The following FMO4 variants were observed in gnomAD, a reference collection of about 807,000 sequenced individuals.
FMO4 encodes the protein dimethylaniline monooxygenase [N-oxide-forming] 4.
Under a neutral mutation model 43.3 loss-of-function variants are expected in FMO4, and 38 were observed. The observed-to-expected ratio is 0.88, with a 90% CI of 0.68 to 1.15. The LOEUF is 1.15. Ranked by LOEUF, FMO4 falls within the 50% of genes most tolerant of loss-of-function variation. FMO4 has a pLI of 0.00. For missense variants in FMO4, 631 were observed against 663.3 expected (o/e 0.95, Z 0.54); for synonymous variants, 224 against 232.2 (o/e 0.96, Z 0.32).
intron 6 of FMO4, 30 bp from the exon 7 acceptor site, chr1:171,332,679 T>A (rs768104209): frequency 6.4e-7 from 1 of 1,569,232 alleles, no homozygotes; most frequent in Admixed American, 1.7e-5. Context: ...GAACATTTAT[T>A]TATCCTTCTT....
intron 2 of FMO4, among the ~76,000 whole-genome samples, chr1:171,317,069 G>A (rs369331017): frequency 1.7e-4 from 26 of 152,280 alleles, no homozygotes; most frequent in East Asian, 1.3e-3. Flanking sequence ...GGATACCTCA[G>A]GCTCTCAGAC....
At position 171,332,804 on chromosome 1, in the gene FMO4, T is replaced by C; in HGVS notation, c.723T>C (p.Ser241=). The C allele has an allele frequency of 1.9e-6, 3 of 1,613,546 alleles. No individual in the cohort carries two copies. The highest frequency in any genetic ancestry group is 2.5e-6 in the Non-Finnish European group (3 of 1,179,560). The change falls in exon 7 of 10, where the codon AGT becomes AGC. Residue 241 remains serine (S), a synonymous_variant. Coordinates refer to ENST00000367749, the MANE Select transcript of FMO4 (RefSeq NM_002022.3). Reference sequence around the variant, plus strand: ...TGATGGTTACAAGAAGATGCTGTAGTTTTATTGCACAAGTTCTGCCTTCAC... The same window carrying C: ...TGATGGTTACAAGAAGATGCTGTAGCTTTATTGCACAAGTTCTGCCTTCAC... ...YNMMVTRRCC[S]FIAQVLPSRF...
chr1:171,318,360 G>A (rs1157204286), intron 2 of FMO4, among the ~76,000 whole-genome samples: 1 of 149,070 alleles, frequency 6.7e-6, no homozygotes, highest in Non-Finnish European at 1.5e-5. Context: ...GATGAGAAAT[G>A]TTTCACTAGG....
intron 5 of FMO4, 147 bp from the exon 6 acceptor site, chr1:171,331,493 A>C (rs1478282989): frequency 1.5e-6 from 1 of 665,778 alleles, no homozygotes; most frequent in African/African-American, 1.8e-5. Flanking sequence ...GGGAGGTTAT[A>C]TGCTTTTTCT....
At chr1:171,334,324 A>G in intron 7 of FMO4, 87 bp from the exon 8 acceptor site, 1 of 769,256 alleles carries the variant, frequency 1.3e-6, no homozygotes, top group South Asian at 1.9e-5. Flanking sequence ...CTTGGCAGGT[A>G]ATTTCCCTGA....
At position 171,331,726 on chromosome 1, in the gene FMO4, G is replaced by C; in HGVS notation, c.571G>C (p.Gly191Arg). Reference protein sequence around the residue: ...GFQGKRVLVIGLGNTGGDIAV... With the variant: ...GFQGKRVLVIRLGNTGGDIAV... The stretch of plus-strand genomic sequence containing the variant: ...TCAGGGCAAACGCGTCTTGGTGATT[G>C]GTCTTGGGAACACTGGAGGAGACAT... The change falls in exon 6 of 10, where the codon GGT becomes CGT. Residue 191 changes from glycine (G) to arginine (R), a missense_variant. Transcript: ENST00000367749. 1.9e-6 allele frequency: 3 copies of C among 1,613,958 alleles called. No individual in the cohort carries two copies. The East Asian group carries it at 6.7e-5, about 36-fold the overall frequency.
At chr1:171,333,122 G>A (rs536636916) in intron 7 of FMO4, 22 of 392,376 alleles carry the variant, frequency 5.6e-5, no homozygotes, top group Non-Finnish European at 9.1e-5. Flanking sequence ...CATGAGGCTG[G>A]AAGAAAATAA....
In FMO4 at chr1:171,337,440, T is replaced by C. The variant is rs1294530724; in HGVS notation, c.1250+15T>C. The stretch of plus-strand genomic sequence containing the variant: ...CTCATTAAAAGGTATGAAATGTAGC[T>C]TGCTCTAGGGCAAACTTACAGTATA... On this transcript the variant is annotated intron_variant, in intron 9 of 9. Coordinates refer to ENST00000367749, the MANE Select transcript of FMO4 (RefSeq NM_002022.3). 1.3e-6 allele frequency: 2 copies of C among 1,576,982 alleles called. No individual in the cohort carries two copies. The highest frequency in any genetic ancestry group is 2.2e-5 in the South Asian group (2 of 90,352).
rs545711919 is a variant in FMO4 at position 171,325,044 on chromosome 1, G to A, written c.484+744G>A. On this transcript the variant is annotated intron_variant, in intron 5 of 9. Coordinates refer to ENST00000367749, the MANE Select transcript of FMO4 (RefSeq NM_002022.3). ...AATTGCTTGAACCTGGGGGAGTGGC[G>A]GTTGCAGTGAGCAAAGATCACGTCA... Among the ~76,000 whole-genome samples, 414 of 152,214 alleles carry A rather than the reference G, an allele frequency of 2.7e-3. 2 individuals carry two copies. Among genetic ancestry groups the A allele is most frequent in the African/African-American group, 8.6e-3 (357 of 41,550 alleles).
At chr1:171,320,141 AT>A (rs1413992021) in intron 3 of FMO4, among the ~76,000 whole-genome samples, 184 bp downstream of exon 3, 5 of 152,332 alleles carry the variant, frequency 3.3e-5, no homozygotes, top group African/African-American at 1.2e-4. Flanking sequence ...AATCTTGAGA[AT>A]GCGCAGACTC....
chr1:171,324,680 A>AT (rs895569548), intron 5 of FMO4, among the ~76,000 whole-genome samples: 10 of 151,640 alleles, frequency 6.6e-5, no homozygotes, highest in South Asian at 2.1e-4. Flanking sequence ...AGAGTATATG[A>AT]TTTTTTTTTA....
intron 7 of FMO4, 54 bp downstream of exon 7, chr1:171,332,962 C>A: frequency 1.2e-6 from 1 of 833,222 alleles, no homozygotes; most frequent in Non-Finnish European, 2.0e-6. Flanking sequence ...TTTATCATTA[C>A]ATTTTATTCA....
intron 9 of FMO4, among the ~76,000 whole-genome samples, chr1:171,338,103 GGTCAAAACCAAGTTCA>G (rs1663196300): frequency 6.6e-6 from 1 of 151,940 alleles, no homozygotes; most frequent in Non-Finnish European, 1.5e-5. Flanking sequence ...CATTCCAGTT[GGTCAAAACCAAGTTCA>G]GTCAAAAACC....
rs73034399 is a variant in FMO4 at position 171,331,438 on chromosome 1, A to G, written c.485-202A>G. On this transcript the variant is annotated intron_variant, in intron 5 of 9. Transcript: ENST00000367749. Reference sequence around the variant, plus strand: ...AGATTTCCTATGTTTTTAACAAGGCAGTTTGTACTAAATCCACATCTGGGC... The same window carrying G: ...AGATTTCCTATGTTTTTAACAAGGCGGTTTGTACTAAATCCACATCTGGGC... Among the ~76,000 whole-genome samples, 1,322 of 152,310 alleles carry G rather than the reference A, an allele frequency of 8.7e-3. 24 individuals carry two copies. Among genetic ancestry groups the G allele is most frequent in the African/African-American group, 0.03 (1,247 of 41,556 alleles).
Position 171,334,605 on chromosome 1 carries a change from T to G in FMO4, c.1022T>G (p.Leu341Arg). 1 of 1,613,748 alleles carries G rather than the reference T, an allele frequency of 6.2e-7. No individual in the cohort carries two copies. The highest frequency in any genetic ancestry group is 1.1e-5 in the South Asian group (1 of 91,074). ...TCTTTTCCATTTTTTGAAGAACCTCTTAAAAGCCTCTGTACAAAGAAGATA... is the reference window on the plus strand; with the variant it reads ...TCTTTTCCATTTTTTGAAGAACCTCGTAAAAGCCTCTGTACAAAGAAGATA... Reference protein sequence around the residue: ...TFSFPFFEEPLKSLCTKKIFL... With the variant: ...TFSFPFFEEPRKSLCTKKIFL... Residue 341 changes from leucine (L) to arginine (R), a missense_variant, in exon 8 of 10, where the codon CTT becomes CGT. Coordinates refer to ENST00000367749, the MANE Select transcript of FMO4 (RefSeq NM_002022.3).
At chr1:171,319,781 TTAAA>T (rs1484889167) in intron 2 of FMO4, 33 bp from the exon 3 acceptor site, 12 of 1,603,420 alleles carry the variant, frequency 7.5e-6, no homozygotes, top group Non-Finnish European at 1.0e-5. Flanking sequence ...TCCAAACTTA[TTAAA>T]TAAAGAAGTT....
intron 8 of FMO4, 23 bp downstream of exon 8, chr1:171,334,786 C>T (rs3820170): frequency 0.44 from 604,117 of 1,377,884 alleles, 136,989 homozygotes; most frequent in African/African-American, 0.67. Flanking sequence ...TACTGAAAGT[C>T]CTCTCTTTGG....
At position 171,324,071 on chromosome 1, in the gene FMO4, C is replaced by T. The variant is rs1662551165; in HGVS notation, c.322-67C>T. ...CTACTAAAAGTAACAGACATGGTTACCACACCAGTCATTGCATGAGGTCCA... is the reference window on the plus strand; with the variant it reads ...CTACTAAAAGTAACAGACATGGTTATCACACCAGTCATTGCATGAGGTCCA... On this transcript the variant is annotated intron_variant, in intron 4 of 9. Transcript: ENST00000367749. 4 of 1,414,218 alleles carry T rather than the reference C, an allele frequency of 2.8e-6. No individual in the cohort carries two copies. The Admixed American group carries it at 9.0e-5, about 32-fold the overall frequency. The allele number at this position is 1,414,218 out of a possible 1,614,324, so 87.6% of individuals were successfully genotyped here.
At position 171,334,448 on chromosome 1, in the gene FMO4, A is replaced by C; in HGVS notation, c.865A>C (p.Asn289His). The change falls in exon 8 of 10, where the codon AAC becomes CAC. Residue 289 changes from asparagine to histidine, a missense_variant. Physicochemically the swap from Asn to His is moderately conservative, Grantham distance 68. Coordinates refer to ENST00000367749, the MANE Select transcript of FMO4 (RefSeq NM_002022.3). ...ATTCATTGTGAATGATGAGCTGCCA[A>C]ACTGTATCCTCTGTGGGGCAATCAC... is the stretch of plus-strand genomic sequence containing the variant. ...AKFIVNDELPNCILCGAITMK... is the reference protein window; with the variant it reads ...AKFIVNDELPHCILCGAITMK... 1 of 1,599,972 alleles carries C rather than the reference A, an allele frequency of 6.3e-7. No individual in the cohort carries two copies. The highest frequency in any genetic ancestry group is 8.5e-7 in the Non-Finnish European group (1 of 1,175,020).
Sources: allele counts gnomAD v4.1 joint callset (sites outside exome capture counted in the v4.1 genomes callset), GRCh38; gene constraint gnomAD v4.1.1; transcripts MANE v1.5; gene names NCBI Gene and HGNC (gene_info 2026-07-23, HGNC 2026-07-21).